Variants in DDR2 observed in about 807,000 individuals in gnomAD.
DDR2 encodes discoidin domain-containing receptor 2.
In DDR2, 27 loss-of-function variants were observed where a neutral mutation model predicts 94.9. That is an observed-to-expected ratio of 0.28 (90% CI 0.21 to 0.39). DDR2 has a LOEUF of 0.39. Ranked by LOEUF, DDR2 falls within the 10% of genes least tolerant of loss-of-function variation. The probability of loss-of-function intolerance (pLI) is 1.00; values close to 1 mark genes in which losing one functional copy is unlikely to be tolerated. For missense variants in DDR2, 783 were observed against 1,076.0 expected (o/e 0.73, Z 3.81); for synonymous variants, 382 against 377.2 (o/e 1.01, Z -0.15).
chr1:162,736,925 G>A (rs1476470884), intron 3 of DDR2, among the ~76,000 whole-genome samples: 1 of 152,164 alleles, frequency 6.6e-6, no homozygotes, highest in Non-Finnish European at 1.5e-5. Context: ...AGTGGGGTAA[G>A]GACAAGGTCC....
chr1:162,736,045 G>T (rs567633358), intron 3 of DDR2, among the ~76,000 whole-genome samples: 2 of 152,176 alleles, frequency 1.3e-5, no homozygotes, highest in Non-Finnish European at 2.9e-5. Context: ...GCCCAGCATG[G>T]TCCTAGAGAA....
At chr1:162,669,765 T>C (rs1034484844) in intron 2 of DDR2, among the ~76,000 whole-genome samples, 2 of 152,244 alleles carry the variant, frequency 1.3e-5, no homozygotes, top group Non-Finnish European at 2.9e-5. Context: ...TTCTGTTTAT[T>C]TGGGCTTGAA....
At chr1:162,772,479 T>A in intron 13 of DDR2, 1 of 543,828 alleles carries the variant, frequency 1.8e-6, no homozygotes, top group Non-Finnish European at 3.3e-6. Flanking sequence ...GGCAGGCAAG[T>A]CACTAGACTT....
intron 1 of DDR2, among the ~76,000 whole-genome samples, chr1:162,635,280 T>A (rs1016025488): frequency 6.7e-6 from 1 of 150,220 alleles, no homozygotes; most frequent in African/African-American, 2.4e-5. Context: ...GTATTTGCAT[T>A]TTTAATAGAC....
intron 2 of DDR2, among the ~76,000 whole-genome samples, chr1:162,708,576 G>C (rs1472895033): frequency 1.3e-5 from 2 of 152,114 alleles, no homozygotes; most frequent in African/African-American, 4.8e-5. Context: ...TCACATCACT[G>C]CCCCCACAGA....
upstream of DDR2, among the ~76,000 whole-genome samples, chr1:162,631,695 C>T (rs896727882): frequency 1.3e-5 from 2 of 152,084 alleles, no homozygotes; most frequent in East Asian, 1.9e-4. Context: ...GTTGCCTACC[C>T]GCCCCTTTCA....
At chr1:162,752,817 T>C (rs921236844) in intron 3 of DDR2, among the ~76,000 whole-genome samples, 2 of 152,034 alleles carry the variant, frequency 1.3e-5, no homozygotes, top group Non-Finnish European at 2.9e-5. Context: ...AAAGCATAAA[T>C]TGGCACATTA....
chr1:162,728,290 C>T (rs765186407), intron 3 of DDR2, among the ~76,000 whole-genome samples: 1 of 148,970 alleles, frequency 6.7e-6, no homozygotes, highest in Non-Finnish European at 1.5e-5. Context: ...CACATTTTAC[C>T]CAATCAGGTC....
chr1:162,676,531 T>G (rs1242950895), intron 2 of DDR2, among the ~76,000 whole-genome samples: 1 of 152,236 alleles, frequency 6.6e-6, no homozygotes, highest in Non-Finnish European at 1.5e-5. Flanking sequence ...TTGAACGAAC[T>G]AAAAGAATAG....
chr1:162,643,264 C>A (rs575829442), intron 1 of DDR2, among the ~76,000 whole-genome samples: 3 of 152,202 alleles, frequency 2.0e-5, no homozygotes, highest in South Asian at 4.2e-4. Context: ...GAAAGTTCCA[C>A]CTCTAGGTTT....
At chr1:162,659,540 G>A (rs1024615091) in intron 2 of DDR2, among the ~76,000 whole-genome samples, 1 of 152,130 alleles carries the variant, frequency 6.6e-6, no homozygotes, top group African/African-American at 2.4e-5. Flanking sequence ...CTGGAAAAGA[G>A]GACACTTGCC....
At chr1:162,742,336 C>T (rs958497103) in intron 3 of DDR2, among the ~76,000 whole-genome samples, 5 of 152,214 alleles carry the variant, frequency 3.3e-5, no homozygotes, top group Admixed American at 2.0e-4. Flanking sequence ...CATAATTCTG[C>T]AGGCTGCACA....
At chr1:162,729,304 T>TTTTG (rs1661899382) in intron 3 of DDR2, among the ~76,000 whole-genome samples, 1 of 70,770 alleles carries the variant, frequency 1.4e-5, no homozygotes, top group African/African-American at 6.2e-5. Context: ...ATATATATTT[T>TTTTG]TTTTTTTTTT....
At chr1:162,686,185 C>T (rs1023447225) in intron 2 of DDR2, among the ~76,000 whole-genome samples, 1 of 148,664 alleles carries the variant, frequency 6.7e-6, no homozygotes. Context: ...GGCACCATGC[C>T]CAGCTAATTT....
At chr1:162,741,123 C>A (rs530869054) in intron 3 of DDR2, among the ~76,000 whole-genome samples, 1 of 150,544 alleles carries the variant, frequency 6.6e-6, no homozygotes, top group South Asian at 2.1e-4. Flanking sequence ...TGCTTGGGAC[C>A]AGAAGTGTTT....
rs114960952 is a variant in DDR2, at chr1:162,775,943, G to T, written c.2048+100G>T. ...AGCCTTAAAGTGTATCAATGTTCTG[G>T]GATGGTGGGGGAAGTCAGTGTGCAG... On this transcript the variant is annotated intron_variant, in intron 15 of 17. Transcript: ENST00000367921. The T allele has an allele frequency of 0.012, 18,028 of 1,510,058 alleles. 149 individuals carry two copies. The highest frequency in any genetic ancestry group is 0.015 in the Non-Finnish European group (16,167 of 1,095,400). 93.5% of individuals were successfully genotyped at this position (1,510,058 alleles called of 1,614,324 possible).
chr1:162,775,463 G>A (rs1386399439), intron 14 of DDR2, among the ~76,000 whole-genome samples, 189 bp from the exon 15 acceptor site: 1 of 152,116 alleles, frequency 6.6e-6, no homozygotes, highest in African/African-American at 2.4e-5. Context: ...TTGAATAAGG[G>A]CCCATGATAT....
At chr1:162,693,903 T>C (rs1660066347) in intron 2 of DDR2, among the ~76,000 whole-genome samples, 1 of 152,196 alleles carries the variant, frequency 6.6e-6, no homozygotes, top group Non-Finnish European at 1.5e-5. Context: ...CCTTCATATT[T>C]GAATCAAATC....
chr1:162,694,489 A>G (rs1207015863), intron 2 of DDR2, among the ~76,000 whole-genome samples: 1 of 151,990 alleles, frequency 6.6e-6, no homozygotes, highest in Non-Finnish European at 1.5e-5. Flanking sequence ...CTCAGCTTAG[A>G]TGTTGTTTAG....
Sources: gnomAD v4.1 joint callset for allele counts (sites outside exome capture counted in the v4.1 genomes callset) on GRCh38, gnomAD v4.1.1 for gene constraint, MANE v1.5 for transcripts, NCBI Gene and HGNC (gene_info 2026-07-23, HGNC 2026-07-21) for gene names.